The following TBX1 variants were observed in gnomAD, a reference collection of about 807,000 sequenced individuals.
TBX1 encodes the protein T-box transcription factor TBX1.
A neutral mutation model predicts 40.8 loss-of-function variants in TBX1; 16 were observed. The ratio of observed to expected loss-of-function variants is 0.39; its 90% CI spans 0.27 to 0.60. TBX1 has a LOEUF of 0.60. Among genes scored for constraint, TBX1 ranks in the 20% least tolerant of loss-of-function variants. The pLI, the probability that TBX1 is intolerant of heterozygous loss-of-function variation, is 0.51. For synonymous variants in TBX1, 403 were observed against 336.8 expected (o/e 1.20, Z -2.15); for missense variants, 755 against 728.5 (o/e 1.04, Z -0.42).
Position 19,767,229 on chromosome 22 carries a change from A to G in TBX1, c.*362A>G. ...CCCGGCCGGCAGTTGCAGTGTAGACAGCCCGAGAGCCCCGCCTGCAGGCGG... is the reference window on the plus strand; with the variant it reads ...CCCGGCCGGCAGTTGCAGTGTAGACGGCCCGAGAGCCCCGCCTGCAGGCGG... On this transcript the variant is annotated 3_prime_UTR_variant, in exon 7 of 7. Transcript: ENST00000649276. The G allele has an allele frequency of 9.4e-7, 1 of 1,068,792 alleles. No homozygotes were observed. 66.2% of individuals were successfully genotyped at this position (1,068,792 alleles called of 1,614,324 possible).
chr22:19,763,136 C>T (rs1459901484), intron 1 of TBX1, 105 bp from the exon 2 acceptor site: 1 of 876,510 alleles, frequency 1.1e-6, no homozygotes, highest in Admixed American at 1.9e-5. Context: ...CAGCAGCCCC[C>T]AGAGGCTGGA....
At position 19,767,313 on chromosome 22, in the gene TBX1, A is replaced by C; in HGVS notation, c.*446A>C. ...ATACCGCCCCGGCGCCGACTTGATA[A>C]ACGGTTTCGCCTCTTTTGGAAGCCG... is the stretch of plus-strand genomic sequence containing the variant. On this transcript the variant is annotated 3_prime_UTR_variant, in exon 7 of 7. Transcript: ENST00000649276. The C allele has an allele frequency of 2.0e-6, 2 of 989,334 alleles. No individual in the cohort carries two copies. Among genetic ancestry groups the C allele is most frequent in the Non-Finnish European group, 1.2e-6 (1 of 832,468 alleles). 61.3% of individuals were successfully genotyped at this position (989,334 alleles called of 1,614,324 possible). A position where few individuals can be genotyped will look rare whatever the true frequency, so the allele number is the denominator to read the frequency against.
At chr22:19,780,229 CTCT>C (rs1282228463), downstream of TBX1, among the ~76,000 whole-genome samples, 1 of 152,198 alleles carries the variant, frequency 6.6e-6, no homozygotes, top group Non-Finnish European at 1.5e-5. Flanking sequence ...CATCTCAGAA[CTCT>C]TCATCTCAGA....
chr22:19,759,819 G>A (rs1471521662), upstream of TBX1: 1 of 1,053,044 alleles, frequency 9.5e-7, no homozygotes, highest in Non-Finnish European at 1.4e-6. Context: ...GGGGCAGAGA[G>A]GAAGAGCCGG....
chr22:19,759,964 G>A (rs41298792), upstream of TBX1, among the ~76,000 whole-genome samples: 1,728 of 152,348 alleles, frequency 0.011, 24 homozygotes, highest in South Asian at 0.039. Flanking sequence ...CTGGAGAGGG[G>A]GGAGGAAAGT....
chr22:19,775,139 G>A (rs1044474647), intron 8 of TBX1, among the ~76,000 whole-genome samples: 1 of 152,044 alleles, frequency 6.6e-6, no homozygotes, highest in Admixed American at 6.5e-5. Context: ...TGTCACCTAG[G>A]CTGGAGTACA....
At chr22:19,760,345 G>A (rs944187263), upstream of TBX1, among the ~76,000 whole-genome samples, 17 of 150,148 alleles carry the variant, frequency 1.1e-4, no homozygotes, top group Non-Finnish European at 2.4e-4. Flanking sequence ...GAGGAAAAGG[G>A]GAAGAGGCGG....
chr22:19,779,560 A>C (rs1937118469), downstream of TBX1: 1 of 1,473,742 alleles, frequency 6.8e-7, no homozygotes, highest in Non-Finnish European at 9.0e-7. Context: ...TTCTCCATAG[A>C]GTCACACTCC....
chr22:19,766,735 GCAC>G lies in TBX1; in HGVS notation c.1397_1399del (p.His466del), dbSNP rs753713234. ...ACGGCTACCACCCGCACGCGCATCC[GCAC>G]CACCACCACCACCCCGTGAGTCCAG... On this transcript the variant is annotated inframe_deletion, in exon 7 of 7. Transcript: ENST00000649276. 63 of 1,541,078 alleles carry G rather than the reference GCAC, an allele frequency of 4.1e-5. No homozygotes were observed. The highest frequency in any genetic ancestry group is 2.4e-4 in the Admixed American group (13 of 54,172).
intron 3 of TBX1, 48 bp from the exon 4 acceptor site, chr22:19,764,910 C>A (rs759994565): frequency 3.7e-6 from 6 of 1,611,946 alleles, no homozygotes; most frequent in Non-Finnish European, 5.1e-6. Flanking sequence ...ACCCCAGATC[C>A]TCAGCCCAGC....
intron 1 of TBX1, among the ~76,000 whole-genome samples, chr22:19,762,098 A>AG (rs2145830411): frequency 6.6e-6 from 1 of 152,314 alleles, no homozygotes; most frequent in East Asian, 1.9e-4. Context: ...GTCCTTTCTG[A>AG]GGAACCTGGG....
chr22:19,761,513 G>C (rs1936662661), intron 1 of TBX1, among the ~76,000 whole-genome samples: 1 of 151,696 alleles, frequency 6.6e-6, no homozygotes, highest in South Asian at 2.1e-4. Context: ...GGGAGGAGAC[G>C]GCGCGGGCCG....
At chr22:19,783,286 C>T (rs565625229), downstream of TBX1, 12 of 466,620 alleles carry the variant, frequency 2.6e-5, no homozygotes, top group South Asian at 6.2e-5. Context: ...CCAAATGACT[C>T]GATTTCTCTA....
chr22:19,767,211 G>C lies in TBX1; in HGVS notation c.*344G>C, dbSNP rs1392348065. ...AGACCGCGTCGCCCGCGGCCCGGCC[G>C]GCAGTTGCAGTGTAGACAGCCCGAG... On this transcript the variant is annotated 3_prime_UTR_variant, in exon 7 of 7. Coordinates refer to ENST00000649276, the MANE Select transcript of TBX1 (RefSeq NM_001379200.1). 1.2e-5 allele frequency: 13 copies of C among 1,098,410 alleles called. No homozygotes were observed. The highest frequency in any genetic ancestry group is 1.4e-5 in the Non-Finnish European group (13 of 903,552). 68.0% of individuals were successfully genotyped at this position (1,098,410 alleles called of 1,614,324 possible).
In TBX1 at chr22:19,766,501, C is replaced by A; in HGVS notation, c.1149C>A (p.Pro383=). 2 of 1,309,500 alleles carry A rather than the reference C, an allele frequency of 1.5e-6. No individual in the cohort carries two copies. The highest frequency in any genetic ancestry group is 2.9e-4 in the Middle Eastern group (1 of 3,464). The allele number at this position is 1,309,500 out of a possible 1,614,324, so 81.1% of individuals were successfully genotyped here. A position where few individuals can be genotyped will look rare whatever the true frequency, so the allele number is the denominator to read the frequency against. ...LLARVLSPSL[P]GAGGAGGLVP... is the part of the protein sequence containing the mutation. ...CCCGGGTGCTAAGCCCCTCGCTGCC[C>A]GGGGCCGGCGGCGCCGGCGGCTTAG... Residue 383 remains proline, a synonymous_variant, in exon 7 of 7, where the codon CCC becomes CCA. Coordinates refer to ENST00000649276, the MANE Select transcript of TBX1 (RefSeq NM_001379200.1).
chr22:19,763,456 C>T, intron 2 of TBX1, 114 bp downstream of exon 2: 1 of 896,252 alleles, frequency 1.1e-6, no homozygotes, highest in Non-Finnish European at 1.8e-6. Context: ...CTTTAGGCAC[C>T]TGCGATGCTG....
chr22:19,758,688 G>C (rs1037860781), upstream of TBX1, among the ~76,000 whole-genome samples: 1 of 150,752 alleles, frequency 6.6e-6, no homozygotes, highest in Non-Finnish European at 1.5e-5. Context: ...CCCTGCGCCC[G>C]GCCGGTGCGC....
downstream of TBX1, among the ~76,000 whole-genome samples, chr22:19,780,758 T>C (rs1937132197): frequency 6.7e-6 from 1 of 148,692 alleles, no homozygotes; most frequent in East Asian, 2.0e-4. Context: ...TTCAGATTTC[T>C]CCACACACTT....
exon 9 of TBX1, chr22:19,779,353 C>G (rs2145851892): frequency 6.2e-7 from 1 of 1,614,196 alleles, no homozygotes; most frequent in East Asian, 2.2e-5. Flanking sequence ...AGTGCCAACC[C>G]TTCAATACCC....
Sources: allele counts gnomAD v4.1 joint callset (sites outside exome capture counted in the v4.1 genomes callset), GRCh38; gene constraint gnomAD v4.1.1; transcripts MANE v1.5; gene names NCBI Gene and HGNC (gene_info 2026-07-23, HGNC 2026-07-21).